Variants in CHD9 observed in about 807,000 individuals in gnomAD.
The protein encoded by CHD9 is ATP-dependent chromatin remodeler CHD9.
CHD9 carries 77 observed loss-of-function variants against 316.1 expected under a neutral mutation model. That is an observed-to-expected ratio of 0.24 (90% CI 0.20 to 0.29). The LOEUF (loss-of-function observed/expected upper bound fraction) is 0.29, where lower values mean the gene tolerates loss of function less well. Among genes scored for constraint, CHD9 ranks in the 10% least tolerant of loss-of-function variants. The pLI is 1.00. For missense variants in CHD9, 2,763 were observed against 3,438.1 expected, an observed-to-expected ratio of 0.80 and a Z score of 4.91; for synonymous variants, 1,129 against 1,158.3, an observed-to-expected ratio of 0.97 and a Z score of 0.51.
At chr16:53,295,682 G>A (rs892562999) in intron 29 of CHD9, among the ~76,000 whole-genome samples, 48 of 151,966 alleles carry the variant, frequency 3.2e-4, no homozygotes, top group African/African-American at 1.1e-3. Context: ...TAATGACTTG[G>A]GTTTCCCAAG....
chr16:53,309,451 C>T (rs1473246420), intron 34 of CHD9, among the ~76,000 whole-genome samples: 1 of 152,184 alleles, frequency 6.6e-6, no homozygotes, highest in Non-Finnish European at 1.5e-5. Context: ...CCTGTGTCTA[C>T]ATGATAAATC....
At position 53,273,678 on chromosome 16, in the gene CHD9, A is replaced by G. The variant is rs753945696; in HGVS notation, c.4770A>G (p.Gln1590=). Residue 1590 remains glutamine (Q), a synonymous_variant, in exon 23 of 39, where the codon CAA becomes CAG. Coordinates refer to ENST00000447540, the MANE Select transcript of CHD9 (RefSeq NM_001308319.2). ...GAAAAGGGAAGAAAGTAAAAACTCAAACAAGCTCATTTGATATACAAAAAG... is the reference window on the plus strand; with the variant it reads ...GAAAAGGGAAGAAAGTAAAAACTCAGACAAGCTCATTTGATATACAAAAAG... ...RGRKGKKVKT[Q]TSSFDIQKAE... is the part of the protein sequence containing the mutation. The G allele has an allele frequency of 2.3e-5, 37 of 1,613,284 alleles. No individual in the cohort carries two copies. In the South Asian group the frequency reaches 3.1e-4, roughly 13 times the overall value.
At chr16:53,238,269 T>C (rs1294055906) in intron 11 of CHD9, 74 bp from the exon 12 acceptor site, 3 of 1,265,742 alleles carry the variant, frequency 2.4e-6, no homozygotes, top group Non-Finnish European at 3.2e-6. Context: ...TCTTTGATTA[T>C]TTTTGTATAT....
intron 33 of CHD9, among the ~76,000 whole-genome samples, chr16:53,308,462 G>A (rs1380236472): frequency 6.6e-6 from 1 of 152,134 alleles, no homozygotes; most frequent in Non-Finnish European, 1.5e-5. Flanking sequence ...AGAAAAGTGT[G>A]TAGAGTACTT....
chr16:53,083,623 C>A (rs2035216381), intron 1 of CHD9, among the ~76,000 whole-genome samples: 1 of 152,102 alleles, frequency 6.6e-6, no homozygotes. Flanking sequence ...CCAAAGGTGT[C>A]TTTCAGCAAA....
chr16:53,159,077 C>G (rs1009744852), intron 2 of CHD9, among the ~76,000 whole-genome samples: 4 of 152,046 alleles, frequency 2.6e-5, no homozygotes. Flanking sequence ...GAATTCCAGA[C>G]CAGCCTGGAC....
At chr16:53,131,160 A>AT (rs2152680451) in intron 1 of CHD9, 1 of 146,588 alleles carries the variant, frequency 6.8e-6, no homozygotes, top group African/African-American at 2.5e-5. Flanking sequence ...TGGTGGGGAG[A>AT]TGCGGGGGCG....
Position 53,249,874 on chromosome 16 carries a change from C to G in CHD9, c.3669C>G (p.Tyr1223Ter), listed in dbSNP as rs760617616. Residue 1223 changes from tyrosine to a stop codon, truncating the protein, a stop_gained, in exon 17 of 39, where the codon TAC (tyrosine) becomes TAG (stop). Transcript: ENST00000447540. LOFTEE classifies it high-confidence loss of function. ...TTTATTCCATTTCATTCCATAGATA[C>G]TTATATGAGCGAATTGATGGCAGAG... ...ILEDYLIHKR[Y>*]LYERIDGRVR... 6.2e-7 allele frequency: 1 copy of G among 1,608,910 alleles called. No homozygotes were observed. The highest frequency in any genetic ancestry group is 1.7e-5 in the Admixed American group (1 of 60,002).
intron 1 of CHD9, among the ~76,000 whole-genome samples, chr16:53,127,553 A>G (rs1304383523): frequency 6.6e-6 from 1 of 152,084 alleles, no homozygotes; most frequent in African/African-American, 2.4e-5. Flanking sequence ...CTAAGTGTGA[A>G]TATTGTTTCT....
At position 53,111,088 on chromosome 16, in the gene CHD9, C is replaced by G. The variant is rs2037828311; in HGVS notation, c.-164-44838C>G. ...AGTCCTGGCAGAATGGAAGAAAATG[C>G]TGAAGTGAGACTCATAGGCCTGGGT... is the stretch of plus-strand genomic sequence containing the variant. On this transcript the variant is annotated intron_variant, in intron 1 of 38. Transcript: ENST00000447540. Among the ~76,000 whole-genome samples, 2 of 152,156 alleles carry G rather than the reference C, an allele frequency of 1.3e-5. 1 individual carries two copies. The highest frequency in any genetic ancestry group is 4.1e-4 in the South Asian group (2 of 4,830).
intron 11 of CHD9, 137 bp from the exon 12 acceptor site, chr16:53,238,206 A>G (rs1320126351): frequency 1.3e-6 from 1 of 742,584 alleles, no homozygotes; most frequent in East Asian, 2.8e-5. Context: ...TCTTAAGCCT[A>G]CCCTGCACTT....
In CHD9 at chr16:53,304,286, T is replaced by G; in HGVS notation, c.6280T>G (p.Ser2094Ala). The G allele has an allele frequency of 6.2e-7, 1 of 1,611,580 alleles. No homozygotes were observed. Among genetic ancestry groups the G allele is most frequent in the East Asian group, 2.2e-5 (1 of 44,864 alleles). The change falls in exon 31 of 39, where the codon TCT (serine) becomes GCT (alanine). Residue 2094 changes from serine to alanine, a missense_variant. Coordinates refer to ENST00000447540, the MANE Select transcript of CHD9 (RefSeq NM_001308319.2). The stretch of plus-strand genomic sequence containing the variant: ...ACCACAGGCTACTGGAGACCAGAAA[T>G]CTGGTGGAAAATGTGAAACAGACAG... ...VLPQATGDQK[S>A]GGKCETDRRM...
chr16:53,148,131 C>T (rs954947856), intron 1 of CHD9, among the ~76,000 whole-genome samples: 3 of 152,264 alleles, frequency 2.0e-5, no homozygotes, highest in South Asian at 2.1e-4. Context: ...CGTTTGAATC[C>T]AGGAGGCAGA....
Position 53,226,508 on chromosome 16 carries a change from T to C in CHD9, c.2039T>C (p.Phe680Ser). 1.3e-6 allele frequency: 2 copies of C among 1,596,836 alleles called. No homozygotes were observed. Among genetic ancestry groups the C allele is most frequent in the Non-Finnish European group, 1.7e-6 (2 of 1,175,954 alleles). The change falls in exon 5 of 39, where the codon TTT (phenylalanine) becomes TCT (serine). Residue 680 changes from phenylalanine to serine, a missense_variant. Transcript: ENST00000447540. Reference sequence around the variant, plus strand: ...CCTGGTGAACAGCCTTTACAATTGTTTGTGGTAAGCATATTTGGGATTATG... The same window carrying C: ...CCTGGTGAACAGCCTTTACAATTGTCTGTGGTAAGCATATTTGGGATTATG... ...PLPGEQPLQL[F>S]VENPSEEDAA...
intron 2 of CHD9, chr16:53,169,229 A>G (rs1192511620): frequency 1.3e-5 from 2 of 152,128 alleles, no homozygotes; most frequent in African/African-American, 4.8e-5. Context: ...AATAAATGAA[A>G]TAAAACTTTT....
In CHD9 at chr16:53,269,894, T is replaced by C. The variant is rs1755518642; in HGVS notation, c.4717+1768T>C. Reference sequence around the variant, plus strand: ...ACAGATAGTCTCCCGCCCCCCACAATGAAGAAATATCCTGCTCAAAATATT... The same window carrying C: ...ACAGATAGTCTCCCGCCCCCCACAACGAAGAAATATCCTGCTCAAAATATT... On this transcript the variant is annotated intron_variant, in intron 22 of 38. Transcript: ENST00000447540. Among the ~76,000 whole-genome samples, 3 of 152,044 alleles carry C rather than the reference T, an allele frequency of 2.0e-5. No individual in the cohort carries two copies. In the South Asian group the frequency reaches 6.2e-4, roughly 32 times the overall value.
intron 1 of CHD9, among the ~76,000 whole-genome samples, chr16:53,098,208 G>A (rs1200042066): frequency 6.6e-6 from 1 of 151,416 alleles, no homozygotes; most frequent in Non-Finnish European, 1.5e-5. Context: ...AGGCGTGGTG[G>A]CTTACGCCTG....
Position 53,157,487 on chromosome 16 carries a change from A to T in CHD9, c.1398A>T (p.Ser466=), listed in dbSNP as rs1264667940. The T allele has an allele frequency of 6.2e-7, 1 of 1,613,798 alleles. No individual in the cohort carries two copies. The highest frequency in any genetic ancestry group is 1.7e-5 in the Admixed American group (1 of 59,990). The change falls in exon 2 of 39, where the codon TCA becomes TCT. Residue 466 remains serine (S), a synonymous_variant. Transcript: ENST00000447540. The part of the protein sequence containing the change: ...LQSQARSWHS[S]FSNHQHLHDR... ...GTCAGGCTCGGAGTTGGCATTCATC[A>T]TTTTCTAATCATCAGCATTTACATG...
chr16:53,146,415 G>T (rs60030943), intron 1 of CHD9, among the ~76,000 whole-genome samples: 1 of 64,450 alleles, frequency 1.6e-5, no homozygotes, highest in African/African-American at 6.8e-5. Flanking sequence ...GTGTGTGTGT[G>T]TATGTATATA....
Sources: gnomAD v4.1 joint callset for allele counts (sites outside exome capture counted in the v4.1 genomes callset) on GRCh38, gnomAD v4.1.1 for gene constraint, MANE v1.5 for transcripts, NCBI Gene and HGNC (gene_info 2026-07-23, HGNC 2026-07-21) for gene names.